Variants in NCOR1 observed in about 807,000 individuals in gnomAD.
NCOR1 encodes nuclear receptor corepressor 1, also known as protein phosphatase 1, regulatory subunit 109.
A neutral mutation model predicts 288.1 loss-of-function variants in NCOR1; 63 were observed. The ratio of observed to expected loss-of-function variants is 0.22; its 90% confidence interval spans 0.18 to 0.27. NCOR1 has a LOEUF of 0.27. Among genes scored for constraint, NCOR1 ranks in the 10% least tolerant of loss-of-function variants. The probability of loss-of-function intolerance (pLI) is 1.00; values close to 1 mark genes in which losing one functional copy is unlikely to be tolerated. For synonymous variants in NCOR1, 1,007 were observed against 1,065.9 expected (o/e 0.94, Z 1.08); for missense variants, 2,397 against 3,019.2 (o/e 0.79, Z 4.83).
chr17:16,065,330 T>A (rs1413352401), intron 33 of NCOR1, among the ~76,000 whole-genome samples, 155 bp downstream of exon 33: 1 of 152,222 alleles, frequency 6.6e-6, no homozygotes, highest in Non-Finnish European at 1.5e-5. Flanking sequence ...TGTCTCAATG[T>A]ATGTCTCTGG....
chr17:16,105,911 C>T (rs2068529604), intron 19 of NCOR1, among the ~76,000 whole-genome samples: 1 of 152,110 alleles, frequency 6.6e-6, no homozygotes, highest in Non-Finnish European at 1.5e-5. Flanking sequence ...ACAAGCCTGA[C>T]CAACGTAGCG....
intron 32 of NCOR1, 167 bp from the exon 33 acceptor site, chr17:16,065,861 TTAGCAA>T: frequency 1.6e-6 from 1 of 623,498 alleles, no homozygotes; most frequent in Non-Finnish European, 2.8e-6. Context: ...CCTTGATGTA[TTAGCAA>T]TAGCAATTCT....
intron 19 of NCOR1, chr17:16,108,167 A>T (rs534965232): frequency 5.0e-6 from 1 of 199,454 alleles, no homozygotes; most frequent in East Asian, 1.2e-4. Context: ...TCCCCACATC[A>T]GAAGCAATTT....
At chr17:16,124,008 C>G (rs1317499568) in intron 15 of NCOR1, among the ~76,000 whole-genome samples, 1 of 152,108 alleles carries the variant, frequency 6.6e-6, no homozygotes. Flanking sequence ...CAAGTTATGA[C>G]AGAGTTCCAT....
chr17:16,064,985 A>C lies in NCOR1; in HGVS notation c.4986T>G (p.Ile1662Met), dbSNP rs756620103. 6.2e-7 allele frequency: 1 copy of C among 1,614,054 alleles called. No individual in the cohort carries two copies. The highest frequency in any genetic ancestry group is 8.5e-7 in the Non-Finnish European group (1 of 1,179,928). ...IIDLTNMPPT[I>M]LVPHPGGTST... is the part of the protein sequence containing the mutation. Reference sequence around the variant, plus strand: ...TTGTTCCCCCTGGATGAGGCACTAAAATTGTTGGAGGCATATTGGTCAGGT... The same window carrying C: ...TTGTTCCCCCTGGATGAGGCACTAACATTGTTGGAGGCATATTGGTCAGGT... Residue 1662 changes from isoleucine (I) to methionine (M), a missense_variant, in exon 34 of 46, where the codon ATT becomes ATG. Coordinates refer to ENST00000268712, the MANE Select transcript of NCOR1 (RefSeq NM_006311.4).
Position 16,184,938 on chromosome 17 carries a change from T to C in NCOR1, c.242+1616A>G, listed in dbSNP as rs910970526. ...ACATGGATAAGCCTGAAGGACATTA[T>C]GCTATGTGAAATAAACCTGACACAG... On this transcript the variant is annotated intron_variant, in intron 3 of 45. Transcript: ENST00000268712. 2.0e-5 allele frequency among the ~76,000 whole-genome samples: 3 copies of C among 149,506 alleles called. No homozygotes were observed. In the South Asian group the frequency reaches 6.3e-4, roughly 31 times the overall value.
intron 14 of NCOR1, among the ~76,000 whole-genome samples, chr17:16,135,000 A>G (rs768946086): frequency 1.8e-4 from 27 of 152,104 alleles, no homozygotes; most frequent in African/African-American, 6.5e-4. Context: ...TCTACTAAAT[A>G]TACAAAAAAT....
At chr17:16,194,406 A>G (rs543590490) in intron 2 of NCOR1, 56 bp downstream of exon 2, 2 of 1,230,872 alleles carry the variant, frequency 1.6e-6, no homozygotes, top group South Asian at 2.8e-5. Flanking sequence ...ATTAAATAGG[A>G]AAAGTAAAGA....
At chr17:16,062,065 C>T in intron 36 of NCOR1, 40 bp downstream of exon 36, 2 of 1,605,282 alleles carry the variant, frequency 1.2e-6, no homozygotes, top group South Asian at 1.1e-5. Flanking sequence ...AATGTATATG[C>T]AAGAGACATT....
intron 4 of NCOR1, among the ~76,000 whole-genome samples, chr17:16,167,814 G>A (rs1211198707): frequency 7.5e-6 from 1 of 134,090 alleles, no homozygotes; most frequent in Non-Finnish European, 1.6e-5. Flanking sequence ...GAGCATAGAT[G>A]GCACCACTGC....
chr17:16,030,484 C>T lies in NCOR1; in HGVS notation c.*1812G>A. The T allele has an allele frequency of 4.9e-6, 1 of 202,220 alleles. No homozygotes were observed. The highest frequency in any genetic ancestry group is 2.3e-5 in the African/African-American group (1 of 43,516). 12.5% of individuals were successfully genotyped at this position (202,220 alleles called of 1,614,324 possible). On this transcript the variant is annotated 3_prime_UTR_variant, in exon 46 of 46. Transcript: ENST00000268712. ...ATTATTAACAAACTCTAAAATATTACCAGTACCTGAAAAAAAAAAATTCAG... is the reference window on the plus strand; with the variant it reads ...ATTATTAACAAACTCTAAAATATTATCAGTACCTGAAAAAAAAAAATTCAG...
At chr17:16,068,486 T>C (rs544437105) in intron 31 of NCOR1, 37 of 226,426 alleles carry the variant, frequency 1.6e-4, no homozygotes, top group Non-Finnish European at 3.5e-5. Flanking sequence ...TGTAGTAAAC[T>C]TCAGTTTTCT....
rs888646945 is a variant in NCOR1 at position 16,194,488 on chromosome 17, T to C, written c.82A>G (p.Thr28Ala). Residue 28 changes from threonine to alanine, a missense_variant, in exon 2 of 46, where the codon ACA (threonine) becomes GCA (alanine). Physicochemically the swap from Thr to Ala is moderately conservative, Grantham distance 58. Around this residue, in one of 11 missense-constraint regions of NCOR1, gnomAD observed 55 missense variants for 69.6 expected, o/e 0.79. Coordinates refer to ENST00000268712, the MANE Select transcript of NCOR1 (RefSeq NM_006311.4). ...SRYPPHSVQY[T>A]FPNTRHQQEF... ...TGCTGGTGGCGGGTGTTGGGAAATG[T>C]ATACTGGACAGAGTGAGGAGGATAA... is the stretch of plus-strand genomic sequence containing the variant. 4 of 1,609,682 alleles carry C rather than the reference T, an allele frequency of 2.5e-6. No individual in the cohort carries two copies. In the African/African-American group the frequency reaches 5.3e-5, roughly 22 times the overall value.
intron 14 of NCOR1, among the ~76,000 whole-genome samples, chr17:16,127,715 A>G (rs12937088): frequency 0.41 from 53,877 of 130,716 alleles, 12,222 homozygotes; most frequent in Middle Eastern, 0.54. Context: ...ATGTGTGTGT[A>G]TATATACATA....
intron 11 of NCOR1, among the ~76,000 whole-genome samples, chr17:16,143,251 C>T (rs1346950574): frequency 2.0e-5 from 3 of 152,184 alleles, no homozygotes; most frequent in Non-Finnish European, 4.4e-5. Context: ...TCTATTCTTC[C>T]TCTTTCTCAT....
intron 21 of NCOR1, among the ~76,000 whole-genome samples, chr17:16,095,353 G>A (rs1329031718): frequency 3.3e-5 from 5 of 151,166 alleles, no homozygotes; most frequent in Non-Finnish European, 5.9e-5. Context: ...GGGAAGTGAG[G>A]AGCGTCTCCG....
At chr17:16,212,566 T>C (rs2092233294) in intron 1 of NCOR1, among the ~76,000 whole-genome samples, 1 of 152,208 alleles carries the variant, frequency 6.6e-6, no homozygotes, top group Non-Finnish European at 1.5e-5. Flanking sequence ...AAGAGTTCCA[T>C]CATTCCCAGG....
intron 27 of NCOR1, among the ~76,000 whole-genome samples, chr17:16,074,831 T>C (rs2062210862): frequency 6.6e-6 from 1 of 152,186 alleles, no homozygotes; most frequent in Non-Finnish European, 1.5e-5. Context: ...GTATTTAATA[T>C]TATCAAGATT....
At chr17:16,137,159 A>G in intron 14 of NCOR1, 152 bp downstream of exon 14, 3 of 461,260 alleles carry the variant, frequency 6.5e-6, no homozygotes, top group Non-Finnish European at 7.6e-6. Context: ...ATATATAAAT[A>G]TAACTTCAAA....
Sources: gnomAD v4.1 joint callset for allele counts (sites outside exome capture counted in the v4.1 genomes callset) on GRCh38, gnomAD v4.1.1 for gene constraint, gnomAD v4.1.1 regional missense constraint, MANE v1.5 for transcripts, NCBI Gene and HGNC (gene_info 2026-07-23, HGNC 2026-07-21) for gene names.